The following PTK2 variants were observed in gnomAD, a reference collection of about 807,000 sequenced individuals.
PTK2 encodes the protein focal adhesion kinase 1.
In PTK2, 45 loss-of-function variants were observed where a neutral mutation model predicts 150.1. That is an observed-to-expected ratio of 0.30 (90% CI 0.24 to 0.38). The LOEUF is 0.38. Among genes scored for constraint, PTK2 ranks in the 10% least tolerant of loss-of-function variants. The pLI, the probability that PTK2 is intolerant of heterozygous loss-of-function variation, is 1.00. For missense variants in PTK2, 919 were observed against 1,307.3 expected (o/e 0.70, Z 4.58); for synonymous variants, 432 against 449.2 (o/e 0.96, Z 0.48).
In PTK2 at chr8:140,804,740, G is replaced by A. The variant is rs190064630; in HGVS notation, c.868-1090C>T. Among the ~76,000 whole-genome samples, 163 of 152,280 alleles carry A rather than the reference G, an allele frequency of 1.1e-3. 2 individuals are homozygous for A. The highest frequency in any genetic ancestry group is 3.8e-3 in the African/African-American group (156 of 41,560). On this transcript the variant is annotated intron_variant, in intron 10 of 31. Transcript: ENST00000522684. ...CGGAGTTGGAATTGTTCAGAAAGAG[G>A]TTCACACTGGGCTGCCCTTCCCAGC...
intron 1 of PTK2, among the ~76,000 whole-genome samples, chr8:140,930,708 G>A (rs2100171383): frequency 6.6e-6 from 1 of 152,076 alleles, no homozygotes; most frequent in African/African-American, 2.4e-5. Flanking sequence ...TAAAATATTT[G>A]CTTTTTACAT....
intron 2 of PTK2, among the ~76,000 whole-genome samples, chr8:140,905,205 T>A (rs2100160363): frequency 6.6e-6 from 1 of 152,040 alleles, no homozygotes; most frequent in African/African-American, 2.4e-5. Flanking sequence ...GTGCTAAATA[T>A]CCCAATTAAA....
At chr8:140,902,944 T>TTTTG (rs2100159295) in intron 2 of PTK2, among the ~76,000 whole-genome samples, 1 of 139,412 alleles carries the variant, frequency 7.2e-6, no homozygotes, top group Non-Finnish European at 1.5e-5. Context: ...TTTTTTTTTT[T>TTTTG]TTTTTTTTTT....
At chr8:140,722,612 C>CACTGGGAGCAGGAGACCAGTCAGAG (rs1261766511) in intron 22 of PTK2, among the ~76,000 whole-genome samples, 3 of 152,130 alleles carry the variant, frequency 2.0e-5, no homozygotes, top group African/African-American at 7.2e-5. Flanking sequence ...TGCGAATGGT[C>CACTGGGAGCAGGAGACCAGTCAGAG]ACTGGGAGCA....
Position 140,703,913 on chromosome 8 carries a change from G to A in PTK2, c.2230-1206C>T, listed in dbSNP as rs113832492. ...AGTGAGATAAAGCACAGCCAAAACC[G>A]TATTTCCAAATATCAACACATCCTT... On this transcript the variant is annotated intron_variant, in intron 24 of 31. Transcript: ENST00000522684. Among the ~76,000 whole-genome samples the A allele has an allele frequency of 5.1e-3, 780 of 152,202 alleles. 9 individuals carry two copies. The highest frequency in any genetic ancestry group is 0.017 in the African/African-American group (701 of 41,536).
exon 3 of PTK2, chr8:140,890,663 A>G: frequency 6.2e-7 from 1 of 1,614,154 alleles, no homozygotes; most frequent in Non-Finnish European, 8.5e-7. Context: ...AACGTTCCAT[A>G]CCAGTACCCA....
At chr8:140,787,113 A>C (rs2100085404) in intron 14 of PTK2, among the ~76,000 whole-genome samples, 1 of 152,188 alleles carries the variant, frequency 6.6e-6, no homozygotes. Context: ...CTGCCTATTT[A>C]AATCAACATG....
At chr8:140,822,837 C>T (rs1234461505) in intron 8 of PTK2, among the ~76,000 whole-genome samples, 2 of 152,200 alleles carry the variant, frequency 1.3e-5, no homozygotes, top group Admixed American at 6.5e-5. Context: ...GCCATAACAA[C>T]TTGGATTCTG....
intron 5 of PTK2, among the ~76,000 whole-genome samples, chr8:140,858,713 T>C (rs1439811987): frequency 6.6e-6 from 1 of 152,206 alleles, no homozygotes; most frequent in African/African-American, 2.4e-5. Flanking sequence ...AAAATGGATC[T>C]AAATAACACA....
At chr8:140,671,891 C>G (rs2095538245) in intron 29 of PTK2, among the ~76,000 whole-genome samples, 1 of 144,548 alleles carries the variant, frequency 6.9e-6, no homozygotes. Flanking sequence ...AAGATCGCAC[C>G]ACTGCACTCC....
intron 1 of PTK2, among the ~76,000 whole-genome samples, chr8:140,990,821 T>A (rs887782640): frequency 6.6e-6 from 1 of 152,212 alleles, no homozygotes; most frequent in African/African-American, 2.4e-5. Flanking sequence ...CTTCAGATAT[T>A]TGATCTTTCC....
Position 140,902,924 on chromosome 8 carries a change from GTTTTT to G in PTK2, c.-32-12160_-32-12156del, listed in dbSNP as rs61261890. On this transcript the variant is annotated intron_variant, in intron 2 of 31. Coordinates refer to ENST00000522684, the Ensembl canonical transcript of PTK2. ...TTGCCTGTTCACTCTGATGAGAGTT[GTTTTT>G]TTTTTTTTTTTTTTTTTTTTTTTTT... 4.7e-4 allele frequency among the ~76,000 whole-genome samples: 28 copies of G among 58,964 alleles called. 1 individual carries two copies. The highest frequency in any genetic ancestry group is 1.2e-3 in the East Asian group (3 of 2,546). 38.7% of individuals were successfully genotyped at this position (58,964 alleles called of 152,430 possible). A position where few individuals can be genotyped will look rare whatever the true frequency, so the allele number is the denominator to read the frequency against.
chr8:140,986,751 G>A (rs1426618776), intron 1 of PTK2, among the ~76,000 whole-genome samples: 1 of 152,168 alleles, frequency 6.6e-6, no homozygotes, highest in African/African-American at 2.4e-5. Context: ...CCTTGAATTC[G>A]GTTTAAGGAG....
chr8:140,668,125 T>C, intron 30 of PTK2, 144 bp downstream of exon 34: 1 of 907,366 alleles, frequency 1.1e-6, no homozygotes, highest in Non-Finnish European at 1.7e-6. Flanking sequence ...ACATTGTCAC[T>C]GTATGGTGCT....
chr8:140,746,879 A>C lies in PTK2; in HGVS notation c.1418-19T>G. On this transcript the variant is annotated intron_variant, in intron 17 of 31. Transcript: ENST00000522684. ...ATTGTTACTAGGAAAAAAGTTCTCC[A>C]TAGTTATTCTTTCTTTTTTTTTTTT... 1 of 1,452,612 alleles carries C rather than the reference A, an allele frequency of 6.9e-7. No individual in the cohort carries two copies. The highest frequency in any genetic ancestry group is 1.2e-5 in the South Asian group (1 of 81,136). The allele number at this position is 1,452,612 out of a possible 1,614,324, so 90.0% of individuals were successfully genotyped here. A position where few individuals can be genotyped will look rare whatever the true frequency, so the allele number is the denominator to read the frequency against.
intron 14 of PTK2, among the ~76,000 whole-genome samples, chr8:140,770,207 C>T (rs1316314863): frequency 6.6e-6 from 1 of 152,212 alleles, no homozygotes; most frequent in African/African-American, 2.4e-5. Flanking sequence ...GGAGAAATTA[C>T]TGTTTCAATT....
intron 6 of PTK2, 39 bp downstream of exon 6, chr8:140,846,560 T>C (rs1158250615): frequency 6.9e-7 from 1 of 1,452,456 alleles, no homozygotes; most frequent in African/African-American, 1.4e-5. Flanking sequence ...AATTAAAAAA[T>C]TGATAAATAA....
chr8:140,680,331 G>A (rs1441692010), intron 27 of PTK2, among the ~76,000 whole-genome samples: 3 of 152,032 alleles, frequency 2.0e-5, no homozygotes, highest in Non-Finnish European at 2.9e-5. Context: ...AGGTTCAAGC[G>A]ATTCTCCTGC....
chr8:140,697,135 G>A (rs1264245464), intron 26 of PTK2, among the ~76,000 whole-genome samples: 818 of 72,758 alleles, frequency 0.011, 16 homozygotes, highest in African/African-American at 0.042. Context: ...CCCTGTTTCC[G>A]GGAAAAAAAA....
Sources: gnomAD v4.1 joint callset for allele counts (sites outside exome capture counted in the v4.1 genomes callset) on GRCh38, gnomAD v4.1.1 for gene constraint, MANE v1.5 for transcripts, NCBI Gene and HGNC (gene_info 2026-07-23, HGNC 2026-07-21) for gene names.